Variants in CAMKMT observed in about 807,000 individuals in gnomAD.
The protein encoded by CAMKMT is calmodulin-lysine N-methyltransferase, also known as CaM KMT.
CAMKMT carries 53 observed loss-of-function variants against 48.0 expected under a neutral mutation model. The observed-to-expected ratio is 1.10, with a 90% CI of 0.89 to 1.39. CAMKMT has a LOEUF of 1.39. Ranked by LOEUF, CAMKMT falls within the 40% of genes most tolerant of loss-of-function variation. The probability of loss-of-function intolerance (pLI) is 0.00; values close to 1 mark genes in which losing one functional copy is unlikely to be tolerated. For synonymous variants in CAMKMT, 165 were observed against 152.3 expected (o/e 1.08, Z -0.61); for missense variants, 428 against 402.7 (o/e 1.06, Z -0.54).
intron 2 of CAMKMT, among the ~76,000 whole-genome samples, chr2:44,376,903 G>A (rs1410269865): frequency 6.6e-6 from 1 of 152,124 alleles, no homozygotes; most frequent in Non-Finnish European, 1.5e-5. Context: ...CCTGTGGATG[G>A]TGACTCTTTG....
At chr2:44,682,686 G>A (rs1166869312) in intron 3 of CAMKMT, among the ~76,000 whole-genome samples, 2 of 152,148 alleles carry the variant, frequency 1.3e-5, no homozygotes, top group Admixed American at 6.5e-5. Context: ...TACCAAAGTG[G>A]AGATTTCAAT....
At chr2:44,757,359 A>G (rs1167398455) in intron 9 of CAMKMT, among the ~76,000 whole-genome samples, 1 of 152,194 alleles carries the variant, frequency 6.6e-6, no homozygotes, top group African/African-American at 2.4e-5. Context: ...TTCTCCTCGC[A>G]GAGAGAAGGT....
chr2:44,581,829 T>A (rs1669582319), intron 3 of CAMKMT, among the ~76,000 whole-genome samples: 1 of 152,114 alleles, frequency 6.6e-6, no homozygotes, highest in African/African-American at 2.4e-5. Flanking sequence ...TGAAACCCCA[T>A]CTCTACTAAA....
chr2:44,677,789 C>A, intron 3 of CAMKMT, among the ~76,000 whole-genome samples: 1 of 152,042 alleles, frequency 6.6e-6, no homozygotes, highest in Non-Finnish European at 1.5e-5. Flanking sequence ...TCCTTATTGC[C>A]CGCACCTGGT....
chr2:44,547,751 C>T (rs916614269), intron 3 of CAMKMT, among the ~76,000 whole-genome samples: 6 of 152,142 alleles, frequency 3.9e-5, no homozygotes, highest in African/African-American at 1.4e-4. Flanking sequence ...GAATTAAATA[C>T]GAGCTTATGT....
chr2:44,643,375 G>A (rs754683331), intron 3 of CAMKMT, among the ~76,000 whole-genome samples: 3 of 152,128 alleles, frequency 2.0e-5, no homozygotes, highest in East Asian at 3.8e-4. Context: ...ATAATTCTTT[G>A]CAAGTATAAT....
chr2:44,724,302 A>G (rs1678655891), intron 7 of CAMKMT, among the ~76,000 whole-genome samples: 1 of 152,216 alleles, frequency 6.6e-6, no homozygotes, highest in African/African-American at 2.4e-5. Flanking sequence ...TTTAAAAAGA[A>G]TATTCTAAAT....
chr2:44,754,428 A>G (rs766649714), intron 9 of CAMKMT, among the ~76,000 whole-genome samples: 3 of 152,260 alleles, frequency 2.0e-5, no homozygotes, highest in Admixed American at 6.5e-5. Context: ...ATATCTTCAT[A>G]TTAAAGTTGA....
chr2:44,495,344 A>G lies in CAMKMT; in HGVS notation c.376+105039A>G, dbSNP rs1014625490. Among the ~76,000 whole-genome samples, 30 of 151,932 alleles carry G rather than the reference A, an allele frequency of 2.0e-4. 1 individual carries two copies. Among genetic ancestry groups the G allele is most frequent in the Middle Eastern group, 3.2e-3 (1 of 316 alleles). Reference sequence around the variant, plus strand: ...TTTTGGTAGCGGTCAGGATCTTGCTATGGTGCCCAGGCTGGTCTTGAACTC... The same window carrying G: ...TTTTGGTAGCGGTCAGGATCTTGCTGTGGTGCCCAGGCTGGTCTTGAACTC... On this transcript the variant is annotated intron_variant, in intron 3 of 10. Coordinates refer to ENST00000378494, the MANE Select transcript of CAMKMT (RefSeq NM_024766.5).
At chr2:44,568,127 C>T (rs1206675187) in intron 3 of CAMKMT, among the ~76,000 whole-genome samples, 1 of 152,068 alleles carries the variant, frequency 6.6e-6, no homozygotes, top group Non-Finnish European at 1.5e-5. Context: ...CTGAAGGATG[C>T]ACTGGAGAGC....
chr2:44,422,272 A>G (rs1019128402), intron 3 of CAMKMT, among the ~76,000 whole-genome samples: 1 of 152,250 alleles, frequency 6.6e-6, no homozygotes, highest in Non-Finnish European at 1.5e-5. Flanking sequence ...ATACTTATAC[A>G]GCCTGTAGAA....
intron 3 of CAMKMT, among the ~76,000 whole-genome samples, chr2:44,583,078 G>C (rs1429456488): frequency 3.3e-5 from 5 of 152,146 alleles, no homozygotes; most frequent in Admixed American, 1.3e-4. Flanking sequence ...TTTGGGTATT[G>C]ATCCTATTAT....
At chr2:44,444,313 G>T (rs975170881) in intron 3 of CAMKMT, among the ~76,000 whole-genome samples, 2 of 152,168 alleles carry the variant, frequency 1.3e-5, no homozygotes, top group African/African-American at 4.8e-5. Flanking sequence ...TGTCGGATAT[G>T]TGAATGACAG....
chr2:44,762,704 A>G (rs577126344), intron 9 of CAMKMT, among the ~76,000 whole-genome samples: 1 of 152,212 alleles, frequency 6.6e-6, no homozygotes, highest in East Asian at 1.9e-4. Context: ...TTTTTCCAGA[A>G]GTACACTCCC....
At chr2:44,624,813 T>A (rs1672390434) in intron 3 of CAMKMT, among the ~76,000 whole-genome samples, 1 of 152,172 alleles carries the variant, frequency 6.6e-6, no homozygotes, top group Admixed American at 6.5e-5. Context: ...TATAGCAGCA[T>A]GATTTATAGT....
rs142653710 is a variant in CAMKMT, at chr2:44,534,976, G to A, written c.376+144671G>A. ...TTTTAACATATAAAGTTGATAAATG[G>A]CTATAACCAAAAATTGCTATAACCA... On this transcript the variant is annotated intron_variant, in intron 3 of 10. Transcript: ENST00000378494. Among the ~76,000 whole-genome samples, 274 of 151,756 alleles carry A rather than the reference G, an allele frequency of 1.8e-3. 7 individuals carry two copies. The highest frequency in any genetic ancestry group is 0.015 in the Admixed American group (227 of 15,228).
intron 3 of CAMKMT, among the ~76,000 whole-genome samples, chr2:44,499,119 A>G (rs1326715377): frequency 2.0e-5 from 3 of 152,212 alleles, no homozygotes; most frequent in African/African-American, 7.2e-5. Flanking sequence ...AAAATGAATT[A>G]TTTGATTTCT....
At chr2:44,364,439 A>G (rs957821176) in intron 1 of CAMKMT, among the ~76,000 whole-genome samples, 1 of 152,022 alleles carries the variant, frequency 6.6e-6, no homozygotes, top group African/African-American at 2.4e-5. Flanking sequence ...TGAGCCCTTT[A>G]TATTATTTTA....
chr2:44,617,020 C>G (rs753905954), intron 3 of CAMKMT, among the ~76,000 whole-genome samples: 1 of 152,178 alleles, frequency 6.6e-6, no homozygotes. Context: ...TAATCCATAT[C>G]TCCTTGTCAC....
Sources: gnomAD v4.1 joint callset for allele counts (sites outside exome capture counted in the v4.1 genomes callset) on GRCh38, gnomAD v4.1.1 for gene constraint, MANE v1.5 for transcripts, NCBI Gene and HGNC (gene_info 2026-07-23, HGNC 2026-07-21) for gene names.